The following CELF2 variants were observed in gnomAD, a reference collection of about 807,000 sequenced individuals.
CELF2 encodes CUG triplet repeat RNA-binding protein 2.
Under a neutral mutation model 62.6 loss-of-function variants are expected in CELF2, and 8 were observed. The ratio of observed to expected loss-of-function variants is 0.13; its 90% CI spans 0.07 to 0.23. The LOEUF is 0.23. Among genes scored for constraint, CELF2 ranks in the 10% least tolerant of loss-of-function variants. CELF2 has a pLI of 1.00. For synonymous variants in CELF2, 258 were observed against 250.0 expected, an observed-to-expected ratio of 1.03 and a Z score of -0.30; for missense variants, 333 against 671.0, an observed-to-expected ratio of 0.50 and a Z score of 5.56.
intron 1 of CELF2, among the ~76,000 whole-genome samples, chr10:11,090,255 G>A (rs2047968526): frequency 6.6e-6 from 1 of 152,008 alleles, no homozygotes; most frequent in African/African-American, 2.4e-5. Flanking sequence ...GGCGGTAGAA[G>A]AAGTAATCGT....
At chr10:10,579,354 C>T in the CELF2 span, among the ~76,000 whole-genome samples, 1 of 152,148 alleles carries the variant, frequency 6.6e-6, no homozygotes, top group Non-Finnish European at 1.5e-5. Flanking sequence ...CTTCATGGTA[C>T]TCATTGCCTT....
intron 1 of CELF2, among the ~76,000 whole-genome samples, chr10:10,889,279 C>T (rs1289465880): frequency 3.3e-5 from 5 of 152,160 alleles, no homozygotes; most frequent in East Asian, 3.9e-4. Flanking sequence ...GGAGCCATTT[C>T]GCAGGGGTTA....
the CELF2 span, among the ~76,000 whole-genome samples, chr10:10,759,214 C>G: frequency 2.6e-5 from 4 of 151,808 alleles, no homozygotes; most frequent in African/African-American, 9.7e-5. Flanking sequence ...GATGGAGATG[C>G]CAGGCCTAAC....
chr10:11,264,509 T>C (rs2081611605), intron 5 of CELF2, among the ~76,000 whole-genome samples: 1 of 152,240 alleles, frequency 6.6e-6, no homozygotes, highest in Non-Finnish European at 1.5e-5. Context: ...CTATCTCCAA[T>C]AGATGATTTG....
In CELF2 at chr10:11,285,879, T is replaced by TGTGTGTGTGTGTGTGTGTG; in HGVS notation, c.842-2539_842-2538insGTGTGTGTGTGTGTGTGTG. On this transcript the variant is annotated intron_variant, in intron 8 of 12. Coordinates refer to ENST00000633077, the MANE Select transcript of CELF2 (RefSeq NM_001326342.2). The surrounding 1 kb of genome is among the most constrained non-coding windows in gnomAD (Gnocchi z 4.3). ...TGTGTGTGTGTGTGTGTGTGTGTGT[T>TGTGTGTGTGTGTGTGTGTG]TTTACATGGACTTGAAAATGAGTAA... Among the ~76,000 whole-genome samples, 1 of 108,006 alleles carries TGTGTGTGTGTGTGTGTGTG rather than the reference T, an allele frequency of 9.3e-6. No individual in the cohort carries two copies. The highest frequency in any genetic ancestry group is 1.7e-5 in the Non-Finnish European group (1 of 57,280). The allele number at this position is 108,006 out of a possible 152,430, so 70.9% of individuals were successfully genotyped here.
At chr10:10,608,335 C>T in the CELF2 span, among the ~76,000 whole-genome samples, 2 of 152,172 alleles carry the variant, frequency 1.3e-5, no homozygotes, top group African/African-American at 4.8e-5. Flanking sequence ...TACCTGAAGA[C>T]AACCAGATTA....
intron 1 of CELF2, among the ~76,000 whole-genome samples, chr10:11,128,783 A>G (rs906587381): frequency 2.0e-5 from 3 of 152,180 alleles, no homozygotes; most frequent in African/African-American, 7.2e-5. Flanking sequence ...TTGGGCTGAG[A>G]TGATGGGGTG....
the CELF2 span, among the ~76,000 whole-genome samples, chr10:10,496,392 C>G: frequency 6.6e-6 from 1 of 152,168 alleles, no homozygotes; most frequent in Non-Finnish European, 1.5e-5. Flanking sequence ...GTCTCCTTTT[C>G]TTGCTGCATG....
the CELF2 span, chr10:10,786,898 GACACACAC>G: frequency 6.7e-6 from 1 of 149,888 alleles, no homozygotes; most frequent in Non-Finnish European, 1.5e-5. Context: ...CACACACGTA[GACACACAC>G]ACACACACAC....
the CELF2 span, among the ~76,000 whole-genome samples, chr10:10,600,140 A>C: frequency 2.2e-3 from 335 of 152,114 alleles, 4 homozygotes; most frequent in African/African-American, 7.9e-3. Context: ...AACACTTACA[A>C]CTCTGTCCTC....
chr10:11,185,018 C>T (rs1332667872), intron 2 of CELF2, among the ~76,000 whole-genome samples: 1 of 152,188 alleles, frequency 6.6e-6, no homozygotes, highest in African/African-American at 2.4e-5. Context: ...AGGTTTTTCA[C>T]AAATGCCCTT....
At chr10:11,218,607 A>ACCTTGATT (rs1290844867) in intron 3 of CELF2, among the ~76,000 whole-genome samples, 1 of 152,216 alleles carries the variant, frequency 6.6e-6, no homozygotes, top group Admixed American at 6.5e-5. Flanking sequence ...TAAATTAAGA[A>ACCTTGATT]CCTTGATTTT....
chr10:10,696,648 C>A, the CELF2 span, among the ~76,000 whole-genome samples: 1 of 151,892 alleles, frequency 6.6e-6, no homozygotes, highest in Admixed American at 6.6e-5. Flanking sequence ...TGCTAGCAAC[C>A]AGTGAGATTC....
the CELF2 span, among the ~76,000 whole-genome samples, chr10:10,702,935 A>AT: frequency 5.9e-5 from 9 of 152,046 alleles, no homozygotes; most frequent in African/African-American, 1.7e-4. Flanking sequence ...TTTATCTAAG[A>AT]TTTTTCCCCC....
rs2080240181 is a variant in CELF2, at chr10:11,260,653, T to G, written c.538+2781T>G. The stretch of plus-strand genomic sequence containing the variant: ...AAAACTTTTCCCTCCCCATCTGTTT[T>G]TTTTTTTTTTAAACAGCAGAAAAGT... On this transcript the variant is annotated intron_variant, in intron 5 of 12. Coordinates refer to ENST00000633077, the MANE Select transcript of CELF2 (RefSeq NM_001326342.2). This position sits in a 1 kb window ranked among gnomAD's most constrained non-coding sequence, Gnocchi z 4.2. Among the ~76,000 whole-genome samples the G allele has an allele frequency of 6.6e-6, 1 of 151,878 alleles. No individual in the cohort carries two copies. Among genetic ancestry groups the G allele is most frequent in the Non-Finnish European group, 1.5e-5 (1 of 67,978 alleles).
chr10:11,240,481 A>C (rs1449417224), intron 3 of CELF2, among the ~76,000 whole-genome samples: 2 of 152,238 alleles, frequency 1.3e-5, no homozygotes, highest in Non-Finnish European at 2.9e-5. Context: ...GCCCTGTGAA[A>C]GAAACCTCAG....
At chr10:10,791,444 A>G in the CELF2 span, among the ~76,000 whole-genome samples, 2 of 151,844 alleles carry the variant, frequency 1.3e-5, no homozygotes, top group Non-Finnish European at 2.9e-5. Context: ...TAAATCATTC[A>G]TGTAATTACA....
At chr10:11,170,014 T>G (rs1020154563) in intron 2 of CELF2, among the ~76,000 whole-genome samples, 1 of 152,188 alleles carries the variant, frequency 6.6e-6, no homozygotes, top group Non-Finnish European at 1.5e-5. Context: ...CAAGAGTATT[T>G]CAGAAGAAGG....
At chr10:10,625,897 T>C in the CELF2 span, among the ~76,000 whole-genome samples, 1 of 152,036 alleles carries the variant, frequency 6.6e-6, no homozygotes, top group African/African-American at 2.4e-5. Flanking sequence ...GGTCATTGTA[T>C]CTATTTCATG....
Sources: gnomAD v4.1 joint callset for allele counts (sites outside exome capture counted in the v4.1 genomes callset) on GRCh38, gnomAD v4.1.1 for gene constraint, Gnocchi (gnomAD v3.1) non-coding constraint, MANE v1.5 for transcripts, NCBI Gene and HGNC (gene_info 2026-07-23, HGNC 2026-07-21) for gene names.